Variants in UBP1 observed in about 807,000 individuals in gnomAD.
UBP1 encodes the protein upstream binding protein 1.
UBP1 carries 22 observed loss-of-function variants against 76.1 expected under a neutral mutation model. The observed-to-expected ratio is 0.29, with a 90% confidence interval of 0.21 to 0.41. The LOEUF is 0.41. Among genes scored for constraint, UBP1 ranks in the 10% least tolerant of loss-of-function variants. UBP1 has a pLI of 1.00. For synonymous variants in UBP1, 224 were observed against 237.1 expected, an observed-to-expected ratio of 0.94 and a Z score of 0.51; for missense variants, 436 against 668.1, an observed-to-expected ratio of 0.65 and a Z score of 3.83.
rs545260280 is a variant in UBP1, at chr3:33,405,362, T to C, written c.928-2458A>G. The stretch of plus-strand genomic sequence containing the variant: ...AAACTGCCATGGCATTTAGATTCCA[T>C]AGGATGCACTTCAAGAGTAATGTCA... On this transcript the variant is annotated intron_variant, in intron 8 of 15. Coordinates refer to ENST00000283629, the MANE Select transcript of UBP1 (RefSeq NM_014517.5). Among the ~76,000 whole-genome samples, 29 of 152,338 alleles carry C rather than the reference T, an allele frequency of 1.9e-4. No individual in the cohort carries two copies. In the South Asian group the frequency reaches 5.2e-3, roughly 27 times the overall value.
intron 13 of UBP1, among the ~76,000 whole-genome samples, chr3:33,394,508 C>A (rs2043892101): frequency 7.4e-6 from 1 of 135,862 alleles, no homozygotes; most frequent in East Asian, 2.6e-4. Context: ...ACAGAAAGCC[C>A]CAGCCACATT....
chr3:33,411,496 G>A (rs1297345729), intron 5 of UBP1, 85 bp downstream of exon 5: 1 of 1,149,584 alleles, frequency 8.7e-7, no homozygotes, highest in South Asian at 1.3e-5. Context: ...GACATTTAAA[G>A]GAAATGATAC....
intron 10 of UBP1, 115 bp from the exon 11 acceptor site, chr3:33,400,397 T>C: frequency 1.4e-6 from 1 of 712,470 alleles, no homozygotes; most frequent in South Asian, 2.0e-5. Flanking sequence ...AGAGCATGAG[T>C]CTGACTCCAG....
intron 2 of UBP1, among the ~76,000 whole-genome samples, chr3:33,420,174 G>T (rs1160329227): frequency 6.6e-6 from 1 of 152,120 alleles, no homozygotes; most frequent in African/African-American, 2.4e-5. Context: ...TTCCTATCAT[G>T]AAACTTTAGT....
At chr3:33,411,077 A>T (rs1010780012) in intron 5 of UBP1, among the ~76,000 whole-genome samples, 1 of 151,844 alleles carries the variant, frequency 6.6e-6, no homozygotes, top group Non-Finnish European at 1.5e-5. Flanking sequence ...CATCTCAAAA[A>T]AAAAAAAAAA....
At chr3:33,428,729 A>G (rs563654937) in intron 1 of UBP1, among the ~76,000 whole-genome samples, 3 of 151,878 alleles carry the variant, frequency 2.0e-5, no homozygotes, top group Admixed American at 1.3e-4. Flanking sequence ...CTTTTCAAAC[A>G]GAAGTTAAAC....
chr3:33,428,875 C>G (rs1351714840), intron 1 of UBP1, among the ~76,000 whole-genome samples: 1 of 151,730 alleles, frequency 6.6e-6, no homozygotes, highest in Non-Finnish European at 1.5e-5. Context: ...CCTCATTCCC[C>G]CTGCTCCAAC....
chr3:33,400,388 G>C, intron 10 of UBP1, 106 bp from the exon 11 acceptor site: 2 of 799,222 alleles, frequency 2.5e-6, no homozygotes, highest in African/African-American at 1.8e-5. Context: ...CACCCAAAAA[G>C]AGCATGAGTC....
At chr3:33,421,608 G>A (rs995897951) in intron 2 of UBP1, among the ~76,000 whole-genome samples, 7 of 152,144 alleles carry the variant, frequency 4.6e-5, no homozygotes, top group Admixed American at 4.6e-4. Flanking sequence ...TCCCTCTGAG[G>A]TTCAAAAAGA....
intron 1 of UBP1, among the ~76,000 whole-genome samples, chr3:33,435,454 C>G (rs1314025451): frequency 1.3e-5 from 2 of 152,112 alleles, no homozygotes; most frequent in Non-Finnish European, 2.9e-5. Context: ...GCCAACATAG[C>G]AAGACCTTAT....
chr3:33,411,483 A>G, intron 5 of UBP1, 98 bp downstream of exon 5: 1 of 1,019,054 alleles, frequency 9.8e-7, no homozygotes, highest in Non-Finnish European at 1.5e-6. Flanking sequence ...TAGTTTATAA[A>G]TAGACATTTA....
chr3:33,396,768 T>G (rs1347623922), intron 12 of UBP1: 1 of 608,326 alleles, frequency 1.6e-6, no homozygotes, highest in Admixed American at 2.1e-5. Flanking sequence ...TTTGTTTTCT[T>G]GGCAACAAAC....
chr3:33,430,572 G>C (rs773422150), intron 1 of UBP1, among the ~76,000 whole-genome samples: 38 of 152,226 alleles, frequency 2.5e-4, no homozygotes, highest in Non-Finnish European at 5.3e-4. Context: ...TCCAGATTTT[G>C]TCTGCTGGTA....
chr3:33,395,750 GAAAAAAAA>G (rs61654235), intron 13 of UBP1, among the ~76,000 whole-genome samples: 20 of 69,792 alleles, frequency 2.9e-4, no homozygotes, highest in East Asian at 1.3e-3. Context: ...CAGGAAAATT[GAAAAAAAA>G]AAAAAAAAAA....
chr3:33,415,477 T>C (rs1380544974), intron 3 of UBP1, among the ~76,000 whole-genome samples: 4 of 152,210 alleles, frequency 2.6e-5, no homozygotes, highest in South Asian at 2.1e-4. Flanking sequence ...GTGGAGAATG[T>C]TGAAGTTGGC....
At chr3:33,419,744 C>A (rs1477479640) in intron 2 of UBP1, among the ~76,000 whole-genome samples, 1 of 151,910 alleles carries the variant, frequency 6.6e-6, no homozygotes, top group Non-Finnish European at 1.5e-5. Context: ...ATTGAGAGAA[C>A]AACCAGACTT....
At chr3:33,392,446 T>C (rs2043805785) in intron 15 of UBP1, 117 bp downstream of exon 15, 3 of 871,958 alleles carry the variant, frequency 3.4e-6, no homozygotes, top group African/African-American at 3.5e-5. Flanking sequence ...TATCAAACTT[T>C]CTTCTTAAAA....
At position 33,393,438 on chromosome 3, in the gene UBP1, G is replaced by A. The variant is rs777482163; in HGVS notation, c.1407C>T (p.Tyr469=). The A allele has an allele frequency of 7.5e-6, 12 of 1,600,868 alleles. No individual in the cohort carries two copies. The Admixed American group carries it at 1.2e-4, about 16-fold the overall frequency. The part of the protein sequence containing the change: ...SGAPYVYHAI[Y]LEEMIASEVA... Reference sequence around the variant, plus strand: ...CTTCTGAGGCAATCATTTCTTCCAAGTAGATTGCATGATAAACTGAAATTA... The same window carrying A: ...CTTCTGAGGCAATCATTTCTTCCAAATAGATTGCATGATAAACTGAAATTA... The change falls in exon 14 of 16, where the codon TAC becomes TAT. Residue 469 remains tyrosine, a synonymous_variant. Transcript: ENST00000283629.
rs1340019093 is a variant in UBP1, at chr3:33,439,890, T to G, written c.-42A>C. ...CGCCCCGCACACCGCGGCCTCCGCG[T>G]CCAGGGCGAAGGAGCCGGAGCTCCG... On this transcript the variant is annotated 5_prime_UTR_variant, in exon 1 of 16. Coordinates refer to ENST00000283629, the MANE Select transcript of UBP1 (RefSeq NM_014517.5). The G allele has an allele frequency of 4.4e-6, 7 of 1,605,664 alleles. No homozygotes were observed. The African/African-American group carries it at 5.4e-5, about 12-fold the overall frequency.
Sources: allele counts gnomAD v4.1 joint callset (sites outside exome capture counted in the v4.1 genomes callset), GRCh38; gene constraint gnomAD v4.1.1; transcripts MANE v1.5; gene names NCBI Gene and HGNC (gene_info 2026-07-23, HGNC 2026-07-21).